WWOX: variants seen among roughly 807,000 people sequenced by gnomAD.
WWOX encodes WW domain containing oxidoreductase.
WWOX carries 69 observed loss-of-function variants against 46.2 expected under a neutral mutation model. The observed-to-expected ratio is 1.49, with a 90% CI of 1.23 to 1.82. The LOEUF is 1.82. WWOX is among the 40% of genes most tolerant of loss of function. The pLI is 0.00. For synonymous variants in WWOX, 359 were observed against 202.6 expected, an observed-to-expected ratio of 1.77 and a Z score of -6.56; for missense variants, 919 against 542.6, an observed-to-expected ratio of 1.69 and a Z score of -6.89.
intron 8 of WWOX, among the ~76,000 whole-genome samples, chr16:78,713,351 G>A (rs1111228): frequency 0.65 from 96,636 of 149,506 alleles, 32,843 homozygotes; most frequent in African/African-American, 0.88. Context: ...GTGAGCTGGA[G>A]TAGACAACTA....
At chr16:78,700,581 A>C (rs2048192868) in intron 8 of WWOX, among the ~76,000 whole-genome samples, 1 of 152,162 alleles carries the variant, frequency 6.6e-6, no homozygotes, top group Non-Finnish European at 1.5e-5. Flanking sequence ...CAGGAAACCC[A>C]CCAGGTCCAA....
At chr16:78,328,538 G>T (rs1432234882) in intron 5 of WWOX, among the ~76,000 whole-genome samples, 1 of 152,178 alleles carries the variant, frequency 6.6e-6, no homozygotes, top group Non-Finnish European at 1.5e-5. Context: ...CAAAGGGTTA[G>T]TACTTTATTC....
At chr16:78,207,514 A>G (rs1276678722) in intron 5 of WWOX, among the ~76,000 whole-genome samples, 1 of 143,756 alleles carries the variant, frequency 7.0e-6, no homozygotes, top group East Asian at 2.0e-4. Context: ...TTTTTTTGGT[A>G]ATCTTTGTTA....
intron 8 of WWOX, among the ~76,000 whole-genome samples, chr16:78,619,718 A>C (rs2151642021): frequency 6.6e-6 from 1 of 152,114 alleles, no homozygotes; most frequent in Non-Finnish European, 1.5e-5. Context: ...CAGCCTGGGC[A>C]ACATCATGAG....
At chr16:78,238,813 T>C (rs547443526) in intron 5 of WWOX, among the ~76,000 whole-genome samples, 80 of 152,060 alleles carry the variant, frequency 5.3e-4, no homozygotes, top group African/African-American at 1.7e-3. Flanking sequence ...GAGATGGGGC[T>C]TCTCCATTTT....
intron 8 of WWOX, among the ~76,000 whole-genome samples, chr16:79,182,476 C>G (rs1198984355): frequency 6.6e-6 from 1 of 152,000 alleles, no homozygotes; most frequent in Admixed American, 6.6e-5. Flanking sequence ...TAAGAACTCT[C>G]TGAGAATGCA....
intron 8 of WWOX, among the ~76,000 whole-genome samples, chr16:78,653,027 A>G (rs1379250833): frequency 6.6e-6 from 1 of 152,200 alleles, no homozygotes; most frequent in African/African-American, 2.4e-5. Context: ...GAAAATGAAA[A>G]TGTTCTATTA....
intron 8 of WWOX, among the ~76,000 whole-genome samples, chr16:78,957,204 C>G (rs1048284165): frequency 1.3e-5 from 2 of 152,300 alleles, no homozygotes; most frequent in African/African-American, 4.8e-5. Flanking sequence ...ATGCAGGGCA[C>G]ACGACTTTTC....
intron 8 of WWOX, among the ~76,000 whole-genome samples, chr16:79,071,425 C>T (rs377328407): frequency 6.6e-6 from 1 of 152,342 alleles, no homozygotes; most frequent in Admixed American, 6.5e-5. Context: ...CCCCCCTCAT[C>T]TCTTAGAGCC....
At chr16:78,737,151 G>A (rs1032159731) in intron 8 of WWOX, among the ~76,000 whole-genome samples, 5 of 151,926 alleles carry the variant, frequency 3.3e-5, no homozygotes, top group East Asian at 1.9e-4. Flanking sequence ...CCAGGCTGGA[G>A]TGCAGTGGTA....
chr16:78,236,012 G>C (rs929991514), intron 5 of WWOX, among the ~76,000 whole-genome samples: 3 of 152,174 alleles, frequency 2.0e-5, no homozygotes, highest in Admixed American at 2.0e-4. Flanking sequence ...GTTACAGCAG[G>C]AAAGCAGCCA....
At chr16:78,664,682 C>A (rs367716531) in intron 8 of WWOX, among the ~76,000 whole-genome samples, 2 of 152,176 alleles carry the variant, frequency 1.3e-5, no homozygotes, top group East Asian at 3.9e-4. Flanking sequence ...GCATGCCGAA[C>A]GGCCAGCAGA....
intron 8 of WWOX, among the ~76,000 whole-genome samples, chr16:78,903,664 C>A (rs567553718): frequency 6.6e-6 from 1 of 152,190 alleles, no homozygotes; most frequent in African/African-American, 2.4e-5. Context: ...CCTGCAGATT[C>A]TATTCCCCAG....
rs74605824 is a variant in WWOX at position 78,996,110 on chromosome 16, T to G, written c.1057-215498T>G. On this transcript the variant is annotated intron_variant, in intron 8 of 8. Transcript: ENST00000566780. Reference sequence around the variant, plus strand: ...AAAATGAAATCAGAACGTGGCCCCTTCCATGAAAGTCAGCTCAGGCGTAGA... The same window carrying G: ...AAAATGAAATCAGAACGTGGCCCCTGCCATGAAAGTCAGCTCAGGCGTAGA... 2,826 of 759,976 alleles carry G rather than the reference T, an allele frequency of 3.7e-3. 79 individuals carry two copies. The African/African-American group carries it at 0.051, about 14-fold the overall frequency. 47.1% of individuals were successfully genotyped at this position (759,976 alleles called of 1,614,324 possible). A position where few individuals can be genotyped will look rare whatever the true frequency, so the allele number is the denominator to read the frequency against.
At position 78,461,958 on chromosome 16, in the gene WWOX, A is replaced by G. The variant is rs1302914869; in HGVS notation, c.1056+29206A>G. Among the ~76,000 whole-genome samples, 5 of 152,214 alleles carry G rather than the reference A, an allele frequency of 3.3e-5. No homozygotes were observed. In the East Asian group the frequency reaches 9.6e-4, roughly 29 times the overall value. Reference sequence around the variant, plus strand: ...ATCAGCTAGAGCCAGCAGTATCCCAATGGAAGGACCCTCAACAGACCATTT... The same window carrying G: ...ATCAGCTAGAGCCAGCAGTATCCCAGTGGAAGGACCCTCAACAGACCATTT... On this transcript the variant is annotated intron_variant, in intron 8 of 8. Transcript: ENST00000566780.
chr16:78,951,392 T>G (rs2046056844), intron 8 of WWOX, among the ~76,000 whole-genome samples: 2 of 152,084 alleles, frequency 1.3e-5, no homozygotes, highest in Non-Finnish European at 2.9e-5. Flanking sequence ...GTGGGTCACA[T>G]GTAAATCATT....
chr16:78,311,618 A>C (rs1567492384), intron 5 of WWOX, among the ~76,000 whole-genome samples: 1 of 152,222 alleles, frequency 6.6e-6, no homozygotes, highest in Non-Finnish European at 1.5e-5. Context: ...AGTGGGCCTA[A>C]AGAATCCAGA....
chr16:78,673,246 G>A (rs1188221221), intron 8 of WWOX, among the ~76,000 whole-genome samples: 3 of 152,158 alleles, frequency 2.0e-5, no homozygotes, highest in Admixed American at 6.6e-5. Flanking sequence ...TTTCTTCTTG[G>A]AAGTGAAAGG....
At chr16:78,978,144 G>C (rs969913437) in intron 8 of WWOX, among the ~76,000 whole-genome samples, 8 of 152,168 alleles carry the variant, frequency 5.3e-5, no homozygotes, top group Non-Finnish European at 4.4e-5. Flanking sequence ...GTTCAAGGTT[G>C]ACCCACATTG....
Sources: allele counts gnomAD v4.1 joint callset (sites outside exome capture counted in the v4.1 genomes callset), GRCh38; gene constraint gnomAD v4.1.1; transcripts MANE v1.5; gene names NCBI Gene and HGNC (gene_info 2026-07-23, HGNC 2026-07-21).